The following PITPNB variants were observed in gnomAD, a reference collection of about 807,000 sequenced individuals.
PITPNB encodes phosphatidylinositol transfer protein beta isoform.
PITPNB carries 16 observed loss-of-function variants against 45.9 expected under a neutral mutation model. The observed-to-expected ratio is 0.35, with a 90% confidence interval of 0.24 to 0.53. PITPNB has a LOEUF of 0.53. PITPNB is among the 20% of genes least tolerant of loss of function. The pLI is 0.93. For missense variants in PITPNB, 188 were observed against 330.5 expected (o/e 0.57, Z 3.34); for synonymous variants, 112 against 108.9 (o/e 1.03, Z -0.18).
rs1478868159 is a variant in PITPNB, at chr22:27,913,925, G to T, written c.51+392C>A. Among the ~76,000 whole-genome samples, 4 of 152,152 alleles carry T rather than the reference G, an allele frequency of 2.6e-5. No homozygotes were observed. In the South Asian group the frequency reaches 6.2e-4, roughly 24 times the overall value. ...TGTAAACAAGAGTCAAGCATTATAG[G>T]AAAAGCAGATTTTGGTTCAAACACA... On this transcript the variant is annotated intron_variant, in intron 2 of 11. Transcript: ENST00000335272.
At chr22:27,887,304 C>G (rs936397910) in intron 7 of PITPNB, among the ~76,000 whole-genome samples, 2 of 152,178 alleles carry the variant, frequency 1.3e-5, no homozygotes, top group African/African-American at 4.8e-5. Context: ...AACGCAGGTT[C>G]TAGCTACAGC....
chr22:27,854,874 A>T lies in PITPNB; in HGVS notation c.*18T>A. ...CTTACACAGTTTGACATTGTCTCTG[A>T]CCCTACAGGGGACTCATCTAGACAT... On this transcript the variant is annotated 3_prime_UTR_variant, in exon 11 of 12. Coordinates refer to ENST00000335272, the MANE Select transcript of PITPNB (RefSeq NM_012399.5). 6.2e-7 allele frequency: 1 copy of T among 1,611,472 alleles called. No homozygotes were observed. The highest frequency in any genetic ancestry group is 8.5e-7 in the Non-Finnish European group (1 of 1,177,660).
intron 8 of PITPNB, among the ~76,000 whole-genome samples, chr22:27,871,325 A>G (rs949050361): frequency 6.6e-6 from 1 of 152,236 alleles, no homozygotes; most frequent in Non-Finnish European, 1.5e-5. Context: ...AGCCCACCAC[A>G]TAATGTAGCA....
At chr22:27,907,303 T>G (rs560987726) in intron 3 of PITPNB, among the ~76,000 whole-genome samples, 1 of 152,186 alleles carries the variant, frequency 6.6e-6, no homozygotes, top group Non-Finnish European at 1.5e-5. Context: ...AGGTCTTTCC[T>G]GCAGAACAGT....
chr22:27,903,209 C>CCTAT (rs1422606940), intron 3 of PITPNB, among the ~76,000 whole-genome samples: 1 of 151,728 alleles, frequency 6.6e-6, no homozygotes, highest in African/African-American at 2.4e-5. Context: ...GTGGCTCAGG[C>CCTAT]CTATAATCCC....
intron 1 of PITPNB, among the ~76,000 whole-genome samples, chr22:27,918,715 A>G (rs961686385): frequency 6.6e-6 from 1 of 152,122 alleles, no homozygotes; most frequent in Non-Finnish European, 1.5e-5. Flanking sequence ...GCTGCCTTCA[A>G]CCGGCAAGCC....
At chr22:27,890,033 G>C (rs1408844845) in intron 7 of PITPNB, among the ~76,000 whole-genome samples, 1 of 152,170 alleles carries the variant, frequency 6.6e-6, no homozygotes, top group Non-Finnish European at 1.5e-5. Context: ...CCAAACAATG[G>C]GGCGGAAATT....
chr22:27,862,712 G>T (rs2267121), intron 8 of PITPNB, among the ~76,000 whole-genome samples: 82,840 of 152,012 alleles, frequency 0.54, 23,945 homozygotes, highest in African/African-American at 0.73. Flanking sequence ...CAGCAGGTAT[G>T]AAGTGGGTAC....
At chr22:27,872,095 T>G (rs553194421) in intron 8 of PITPNB, among the ~76,000 whole-genome samples, 29 of 136,570 alleles carry the variant, frequency 2.1e-4, no homozygotes, top group African/African-American at 6.8e-4. Context: ...TTTTTTTTTT[T>G]TTTTTTTTTT....
At chr22:27,866,990 T>G (rs368350784) in intron 8 of PITPNB, among the ~76,000 whole-genome samples, 1 of 152,324 alleles carries the variant, frequency 6.6e-6, no homozygotes, top group African/African-American at 2.4e-5. Context: ...TCTCTCTATT[T>G]AGGTAACCTA....
At chr22:27,897,167 A>C (rs1935459400) in intron 4 of PITPNB, 30 bp from the exon 5 acceptor site, 2 of 1,523,578 alleles carry the variant, frequency 1.3e-6, no homozygotes, top group African/African-American at 2.7e-5. Flanking sequence ...TAGGTAATGA[A>C]AGGAGAAAAA....
At chr22:27,913,713 C>CG (rs1935999276) in intron 2 of PITPNB, among the ~76,000 whole-genome samples, 1 of 152,172 alleles carries the variant, frequency 6.6e-6, no homozygotes, top group South Asian at 2.1e-4. Context: ...AGCAAGTCCA[C>CG]ATATCATGCT....
chr22:27,869,547 C>T (rs967819033), intron 8 of PITPNB, among the ~76,000 whole-genome samples: 1 of 152,036 alleles, frequency 6.6e-6, no homozygotes, highest in Non-Finnish European at 1.5e-5. Flanking sequence ...GGGGTAAAGA[C>T]ACGTGAACCC....
intron 8 of PITPNB, chr22:27,860,611 G>A (rs1378523131): frequency 3.1e-5 from 5 of 159,604 alleles, no homozygotes. Context: ...ATGTGGTGAG[G>A]CACAATAAAA....
chr22:27,919,148 G>A (rs1936196529), intron 1 of PITPNB, 24 bp downstream of exon 1: 1 of 1,613,812 alleles, frequency 6.2e-7, no homozygotes, highest in African/African-American at 1.3e-5. Flanking sequence ...CCACGGCCTC[G>A]CTCGCGCCCA....
In PITPNB at chr22:27,919,215, G is replaced by T; in HGVS notation, c.-24C>A. 1 of 1,601,992 alleles carries T rather than the reference G, an allele frequency of 6.2e-7. No homozygotes were observed. Among genetic ancestry groups the T allele is most frequent in the Non-Finnish European group, 8.5e-7 (1 of 1,170,832 alleles). On this transcript the variant is annotated 5_prime_UTR_variant, in exon 1 of 12. Transcript: ENST00000335272. ...ATCTTCCCGGAACCCCCTCACAGCT[G>T]CCGCCGATACCACCGCCGCCGCCGC...
intron 9 of PITPNB, among the ~76,000 whole-genome samples, chr22:27,858,821 T>C (rs1934241190): frequency 6.6e-6 from 1 of 152,220 alleles, no homozygotes; most frequent in Non-Finnish European, 1.5e-5. Flanking sequence ...TGATTTATTT[T>C]TACCTTTTTC....
chr22:27,877,708 A>G (rs193229185), intron 7 of PITPNB, among the ~76,000 whole-genome samples: 61 of 152,312 alleles, frequency 4.0e-4, no homozygotes, highest in Admixed American at 9.2e-4. Flanking sequence ...GCCAAACTAA[A>G]TGTCCCTGAG....
chr22:27,864,451 AC>A (rs1934424344), intron 8 of PITPNB, among the ~76,000 whole-genome samples: 1 of 152,186 alleles, frequency 6.6e-6, no homozygotes, highest in Admixed American at 6.5e-5. Flanking sequence ...CCTACCCTGT[AC>A]CCTGTAACCT....
Sources: allele counts gnomAD v4.1 joint callset (sites outside exome capture counted in the v4.1 genomes callset), GRCh38; gene constraint gnomAD v4.1.1; transcripts MANE v1.5; gene names NCBI Gene and HGNC (gene_info 2026-07-23, HGNC 2026-07-21).